KCNJ6: variants seen among roughly 807,000 people sequenced by gnomAD.
The protein encoded by KCNJ6 is potassium inwardly rectifying channel subfamily J member 6.
A neutral mutation model predicts 34.2 loss-of-function variants in KCNJ6; 9 were observed. The ratio of observed to expected loss-of-function variants is 0.26; its 90% CI spans 0.16 to 0.46. The LOEUF (loss-of-function observed/expected upper bound fraction) is 0.46. Ranked by LOEUF, KCNJ6 falls within the 20% of genes least tolerant of loss-of-function variation. The pLI, the probability that KCNJ6 is intolerant of heterozygous loss-of-function variation, is 1.00. For synonymous variants in KCNJ6, 196 were observed against 207.1 expected, an observed-to-expected ratio of 0.95 and a Z score of 0.46; for missense variants, 236 against 531.3, an observed-to-expected ratio of 0.44 and a Z score of 5.46.
chr21:37,655,966 G>C (rs2054461906), intron 3 of KCNJ6, among the ~76,000 whole-genome samples: 2 of 152,206 alleles, frequency 1.3e-5, no homozygotes, highest in Admixed American at 1.3e-4. Context: ...TGGCATAGGA[G>C]AGAGCGTGTG....
chr21:37,681,596 G>T (rs1396381405), intron 3 of KCNJ6, among the ~76,000 whole-genome samples: 1 of 152,204 alleles, frequency 6.6e-6, no homozygotes, highest in African/African-American at 2.4e-5. Flanking sequence ...TCTGTCTTGA[G>T]GGAGTTGCTT....
chr21:37,791,760 A>ATT (rs538566874), intron 2 of KCNJ6, among the ~76,000 whole-genome samples: 1 of 149,710 alleles, frequency 6.7e-6, no homozygotes, highest in African/African-American at 2.4e-5. Context: ...GCAAAGATTG[A>ATT]TTTTTTTTTT....
chr21:37,846,820 C>T (rs780717120), intron 1 of KCNJ6, among the ~76,000 whole-genome samples: 3 of 152,140 alleles, frequency 2.0e-5, no homozygotes, highest in Non-Finnish European at 4.4e-5. Context: ...ACCAGGAGCC[C>T]TCAAATCTCC....
chr21:37,703,926 C>T (rs1159043167), intron 3 of KCNJ6, among the ~76,000 whole-genome samples: 1 of 152,242 alleles, frequency 6.6e-6, no homozygotes, highest in Non-Finnish European at 1.5e-5. Flanking sequence ...TCCACCAAAC[C>T]CAGGATGTGA....
At chr21:37,899,419 C>T (rs2055805767) in intron 1 of KCNJ6, among the ~76,000 whole-genome samples, 1 of 152,196 alleles carries the variant, frequency 6.6e-6, no homozygotes, top group African/African-American at 2.4e-5. Flanking sequence ...CGTTCTCTCT[C>T]ACTCCCCCTC....
chr21:37,841,038 T>C (rs1369676012), intron 1 of KCNJ6, among the ~76,000 whole-genome samples: 3 of 152,204 alleles, frequency 2.0e-5, no homozygotes, highest in Non-Finnish European at 2.9e-5. Flanking sequence ...AATTTTTTTT[T>C]CCTCTCTGTT....
At chr21:37,802,511 T>A (rs143556807) in intron 2 of KCNJ6, among the ~76,000 whole-genome samples, 2 of 152,048 alleles carry the variant, frequency 1.3e-5, no homozygotes, top group African/African-American at 4.8e-5. Context: ...AGAGAGAGAT[T>A]GGAAGAGGCT....
rs149597214 is a variant in KCNJ6, at chr21:37,712,775, C to A, written c.946+1436G>T. 3.0e-3 allele frequency among the ~76,000 whole-genome samples: 408 copies of A among 136,448 alleles called. 33 individuals carry two copies. Among genetic ancestry groups the A allele is most frequent in the East Asian group, 8.9e-3 (41 of 4,626 alleles). 89.5% of individuals were successfully genotyped at this position (136,448 alleles called of 152,430 possible). ...CCTCCCCTTCCTCCTCCCCTGCCTTCCCTTCTACTTCTCCCTTCTATCTCC... is the reference window on the plus strand; with the variant it reads ...CCTCCCCTTCCTCCTCCCCTGCCTTACCTTCTACTTCTCCCTTCTATCTCC... On this transcript the variant is annotated intron_variant, in intron 3 of 3. Coordinates refer to ENST00000609713, the MANE Select transcript of KCNJ6 (RefSeq NM_002240.5).
chr21:37,864,753 A>C (rs1276499067), intron 1 of KCNJ6, among the ~76,000 whole-genome samples: 1 of 152,210 alleles, frequency 6.6e-6, no homozygotes, highest in Non-Finnish European at 1.5e-5. Context: ...TCCTCTAAAA[A>C]TGAGTAGAGG....
At chr21:37,914,901 C>T (rs1289635259) in intron 1 of KCNJ6, among the ~76,000 whole-genome samples, 2 of 147,678 alleles carry the variant, frequency 1.4e-5, no homozygotes, top group Admixed American at 1.3e-4. Flanking sequence ...AACTCCCAAA[C>T]ACTGGAGTTG....
intron 2 of KCNJ6, among the ~76,000 whole-genome samples, chr21:37,754,295 C>G (rs1266706965): frequency 6.6e-6 from 1 of 152,160 alleles, no homozygotes; most frequent in East Asian, 1.9e-4. Context: ...ATCTCAAGTG[C>G]CGCTTGCTTG....
Position 37,770,624 on chromosome 21 carries a change from G to C in KCNJ6, c.26-55493C>G, listed in dbSNP as rs566362754. Among the ~76,000 whole-genome samples, 43 of 152,196 alleles carry C rather than the reference G, an allele frequency of 2.8e-4. No individual in the cohort carries two copies. The East Asian group carries it at 6.0e-3, about 21-fold the overall frequency. Reference sequence around the variant, plus strand: ...CCTCTGCAGGACTGATAATGGCCCCGGCCTTTCAAGAATGAGGTTTGGGTC... The same window carrying C: ...CCTCTGCAGGACTGATAATGGCCCCCGCCTTTCAAGAATGAGGTTTGGGTC... On this transcript the variant is annotated intron_variant, in intron 2 of 3. Coordinates refer to ENST00000609713, the MANE Select transcript of KCNJ6 (RefSeq NM_002240.5).
intron 1 of KCNJ6, among the ~76,000 whole-genome samples, chr21:37,869,664 C>T (rs187240606): frequency 7.2e-5 from 11 of 152,324 alleles, no homozygotes; most frequent in African/African-American, 2.2e-4. Flanking sequence ...CCTGAGTAGC[C>T]TCCCTCACCC....
intron 1 of KCNJ6, among the ~76,000 whole-genome samples, chr21:37,848,484 G>C (rs73208113): frequency 0.073 from 11,166 of 152,172 alleles, 459 homozygotes; most frequent in African/African-American, 0.098. Context: ...TTGCAATAAG[G>C]CTCAGAGCCT....
intron 3 of KCNJ6, among the ~76,000 whole-genome samples, chr21:37,685,007 A>G (rs2054606884): frequency 6.6e-6 from 1 of 152,234 alleles, no homozygotes; most frequent in Non-Finnish European, 1.5e-5. Flanking sequence ...CAAATGACAG[A>G]CTATGAAAGA....
intron 1 of KCNJ6, among the ~76,000 whole-genome samples, chr21:37,873,522 C>A (rs986690141): frequency 1.3e-5 from 2 of 152,194 alleles, no homozygotes; most frequent in African/African-American, 2.4e-5. Flanking sequence ...CTAAACACAC[C>A]AACCACAACT....
At chr21:37,737,128 T>C (rs1227127259) in intron 2 of KCNJ6, among the ~76,000 whole-genome samples, 9 of 152,182 alleles carry the variant, frequency 5.9e-5, no homozygotes, top group Non-Finnish European at 1.2e-4. Context: ...ACAGCACAGC[T>C]TGTTTTTTCT....
In KCNJ6 at chr21:37,875,775, T is replaced by C. The variant is rs565792668; in HGVS notation, c.-27-35066A>G. Among the ~76,000 whole-genome samples the C allele has an allele frequency of 1.5e-3, 227 of 152,216 alleles. 2 individuals are homozygous for C. The Middle Eastern group carries it at 0.027, about 18-fold the overall frequency. ...GCCCACAAACCCGGCCTCCAGAAAA[T>C]GGAACTCTTGTGCTAGTCTGCAGGT... On this transcript the variant is annotated intron_variant, in intron 1 of 3. Transcript: ENST00000609713.
At chr21:37,822,655 G>A (rs975786870) in intron 2 of KCNJ6, among the ~76,000 whole-genome samples, 1 of 152,312 alleles carries the variant, frequency 6.6e-6, no homozygotes, top group Non-Finnish European at 1.5e-5. Flanking sequence ...ATAGACAAGT[G>A]AGTGGGAACT....
Sources: gnomAD v4.1 joint callset for allele counts (sites outside exome capture counted in the v4.1 genomes callset) on GRCh38, gnomAD v4.1.1 for gene constraint, MANE v1.5 for transcripts, NCBI Gene and HGNC (gene_info 2026-07-23, HGNC 2026-07-21) for gene names.